The following PCDH11X variants were observed in gnomAD, a reference collection of about 807,000 sequenced individuals.
The protein encoded by PCDH11X is protocadherin 11 X-linked, also known as protocadherin-11 X-linked.
In PCDH11X, 18 loss-of-function variants were observed where a neutral mutation model predicts 53.3. The observed-to-expected ratio is 0.34, with a 90% confidence interval of 0.23 to 0.50. The LOEUF (loss-of-function observed/expected upper bound fraction) is 0.50. Among genes scored for constraint, PCDH11X ranks in the 20% least tolerant of loss-of-function variants. PCDH11X has a pLI of 0.98. For missense variants in PCDH11X, 570 were observed against 1,032.4 expected, an observed-to-expected ratio of 0.55 and a Z score of 6.14; for synonymous variants, 279 against 393.3, an observed-to-expected ratio of 0.71 and a Z score of 3.44.
intron 6 of PCDH11X, among the ~76,000 whole-genome samples, chrX:92,073,557 T>C (rs752096916): frequency 1.8e-5 from 2 of 112,756 alleles, no homozygotes; most frequent in South Asian, 7.3e-4. Flanking sequence ...TTCATCCACC[T>C]TACCTAATTT....
chrX:92,305,762 G>A (rs1186714630), intron 8 of PCDH11X, among the ~76,000 whole-genome samples: 4 of 111,272 alleles, frequency 3.6e-5, no homozygotes, highest in Non-Finnish European at 7.5e-5. Context: ...TACGAATACA[G>A]TAAATTATGA....
intron 5 of PCDH11X, among the ~76,000 whole-genome samples, chrX:91,865,595 C>T (rs1569417933): frequency 2.7e-5 from 3 of 111,963 alleles, no homozygotes; most frequent in Admixed American, 1.9e-4. Context: ...GTAACAAGGT[C>T]TCTCTGGGAC....
At chrX:91,868,767 T>A (rs1249568760) in intron 5 of PCDH11X, among the ~76,000 whole-genome samples, 1 of 111,689 alleles carries the variant, frequency 9.0e-6, no homozygotes, top group African/African-American at 3.2e-5. Flanking sequence ...GATTACTGAT[T>A]TTTTTAAAGT....
chrX:92,214,013 G>C (rs1342330793), intron 7 of PCDH11X, among the ~76,000 whole-genome samples: 1 of 111,793 alleles, frequency 8.9e-6, no homozygotes. Context: ...TAGCACCCAA[G>C]CAAAACAAAT....
intron 8 of PCDH11X, among the ~76,000 whole-genome samples, chrX:92,346,641 T>C (rs951838831): frequency 4.5e-5 from 5 of 112,291 alleles, no homozygotes; most frequent in African/African-American, 1.6e-4. Context: ...TAAATGCCCA[T>C]GCATCTTGAC....
At chrX:92,403,214 G>A (rs1267938786) in intron 9 of PCDH11X, among the ~76,000 whole-genome samples, 2 of 108,266 alleles carry the variant, frequency 1.8e-5, no homozygotes, top group East Asian at 6.0e-4. Flanking sequence ...CACCTTTAAA[G>A]TTTTCAAAAC....
intron 6 of PCDH11X, among the ~76,000 whole-genome samples, chrX:91,938,265 G>A (rs2061468183): frequency 9.2e-6 from 1 of 108,533 alleles, no homozygotes; most frequent in African/African-American, 3.4e-5. Context: ...GGAATAAGAG[G>A]GACTAGATTT....
intron 10 of PCDH11X, among the ~76,000 whole-genome samples, chrX:92,611,420 T>C (rs1202534259): frequency 9.1e-6 from 1 of 110,156 alleles, no homozygotes; most frequent in African/African-American, 3.3e-5. Context: ...ATTCTACTGA[T>C]TTTTGCACAT....
At position 92,318,576 on chromosome X, in the gene PCDH11X, T is replaced by C. The variant is rs186860803; in HGVS notation, c.3144+55433T>C. Among the ~76,000 whole-genome samples the C allele has an allele frequency of 1.7e-4, 19 of 111,710 alleles. No homozygotes were observed. The East Asian group carries it at 5.1e-3, about 30-fold the overall frequency. ...TTTGTTTCTCTTATGAGATATTTTTTACTCTTGCACTGGTGTGAGGTCAGT... is the reference window on the plus strand; with the variant it reads ...TTTGTTTCTCTTATGAGATATTTTTCACTCTTGCACTGGTGTGAGGTCAGT... On this transcript the variant is annotated intron_variant, in intron 8 of 10. Coordinates refer to ENST00000682573, the MANE Select transcript of PCDH11X (RefSeq NM_032968.5).
Position 92,254,507 on chromosome X carries a change from C to T in PCDH11X, c.3115-8607C>T, listed in dbSNP as rs771707557. Among the ~76,000 whole-genome samples, 830 of 106,789 alleles carry T rather than the reference C, an allele frequency of 7.8e-3. 8 individuals carry two copies. Among genetic ancestry groups the T allele is most frequent in the African/African-American group, 0.027 (773 of 28,558 alleles). 92.7% of individuals were successfully genotyped at this position (106,789 alleles called of 115,157 possible). A position where few individuals can be genotyped will look rare whatever the true frequency, so the allele number is the denominator to read the frequency against. On this transcript the variant is annotated intron_variant, in intron 7 of 10. Transcript: ENST00000682573. ...TATGATGTTAGCTGGTTATTTTGCG[C>T]GTTAGTTGATGCAGTTTCTTCCTAG...
At chrX:92,200,636 G>C (rs183268158) in intron 6 of PCDH11X, among the ~76,000 whole-genome samples, 2 of 111,324 alleles carry the variant, frequency 1.8e-5, no homozygotes, top group Non-Finnish European at 3.8e-5. Flanking sequence ...TTGCACTGAG[G>C]ATCTGCGTCC....
chrX:92,104,217 C>T (rs916656990), intron 6 of PCDH11X, among the ~76,000 whole-genome samples: 3 of 109,846 alleles, frequency 2.7e-5, no homozygotes, highest in African/African-American at 1.0e-4. Context: ...GGAGGGGAGG[C>T]GATAAAAAGA....
At chrX:91,889,453 T>C (rs1940376143) in intron 6 of PCDH11X, among the ~76,000 whole-genome samples, 1 of 111,031 alleles carries the variant, frequency 9.0e-6, no homozygotes, top group Non-Finnish European at 1.9e-5. Context: ...TGAGGGACTA[T>C]AGTCATGTGC....
chrX:91,901,302 A>G (rs952962423), intron 6 of PCDH11X, among the ~76,000 whole-genome samples: 7 of 110,867 alleles, frequency 6.3e-5, no homozygotes, highest in African/African-American at 2.3e-4. Context: ...CACAAACAAA[A>G]CTAGGAGACT....
chrX:92,355,836 T>C (rs1242192603), intron 8 of PCDH11X, among the ~76,000 whole-genome samples: 14 of 109,812 alleles, frequency 1.3e-4, no homozygotes, highest in Non-Finnish European at 2.3e-4. Context: ...GACTGATCAC[T>C]GCAATCAGAG....
chrX:92,539,527 C>T (rs1470804547), intron 10 of PCDH11X, among the ~76,000 whole-genome samples: 3 of 111,199 alleles, frequency 2.7e-5, no homozygotes, highest in Non-Finnish European at 5.7e-5. Context: ...CTTTGAGCCT[C>T]CTCAACACAG....
chrX:92,176,325 C>T (rs1019441055), intron 6 of PCDH11X, among the ~76,000 whole-genome samples: 2 of 111,793 alleles, frequency 1.8e-5, no homozygotes, highest in African/African-American at 6.5e-5. Flanking sequence ...AATGGATTAG[C>T]CAAATCACAG....
chrX:91,941,488 G>A (rs1330651232), intron 6 of PCDH11X, among the ~76,000 whole-genome samples: 1 of 109,033 alleles, frequency 9.2e-6, no homozygotes, highest in South Asian at 4.0e-4. Flanking sequence ...TAATGTTAAA[G>A]GCATGCATTC....
intron 6 of PCDH11X, among the ~76,000 whole-genome samples, chrX:91,940,022 G>A (rs2061489376): frequency 9.0e-6 from 1 of 110,938 alleles, no homozygotes; most frequent in African/African-American, 3.3e-5. Flanking sequence ...TCCCAGTTTT[G>A]GAGGTGGGCC....
Sources: allele counts gnomAD v4.1 joint callset (sites outside exome capture counted in the v4.1 genomes callset), GRCh38; gene constraint gnomAD v4.1.1; transcripts MANE v1.5; gene names NCBI Gene and HGNC (gene_info 2026-07-23, HGNC 2026-07-21).